STON2: variants seen among roughly 807,000 people sequenced by gnomAD.
The protein encoded by STON2 is stonin-2.
Under a neutral mutation model 65.7 loss-of-function variants are expected in STON2, and 29 were observed. That is an observed-to-expected ratio of 0.44 (90% CI 0.33 to 0.60). The LOEUF is 0.60. STON2 is among the 20% of genes least tolerant of loss of function. The pLI is 0.03. For synonymous variants in STON2, 404 were observed against 414.2 expected (o/e 0.98, Z 0.30); for missense variants, 1,054 against 1,118.1 (o/e 0.94, Z 0.82).
intron 4 of STON2, chr14:81,332,882 A>G: frequency 5.0e-6 from 1 of 201,752 alleles, no homozygotes; most frequent in Non-Finnish European, 1.0e-5. Context: ...AAAAATCCAC[A>G]ATGGCCACAG....
At chr14:81,405,396 C>T (rs754916561) in intron 2 of STON2, among the ~76,000 whole-genome samples, 10 of 149,292 alleles carry the variant, frequency 6.7e-5, no homozygotes, top group Admixed American at 2.7e-4. Flanking sequence ...ATATTTATAA[C>T]GGCTGCTTTA....
At chr14:81,339,047 C>T (rs887383368) in intron 4 of STON2, among the ~76,000 whole-genome samples, 4 of 151,372 alleles carry the variant, frequency 2.6e-5, no homozygotes, top group Non-Finnish European at 5.9e-5. Flanking sequence ...AGAGGACATT[C>T]GATAGAGGGA....
In STON2 at chr14:81,265,630, A is replaced by C; in HGVS notation, c.*2784T>G. The stretch of plus-strand genomic sequence containing the variant: ...ATTGCACTCCAGCCTGGGCGACAAG[A>C]GCGAAACTTTGTCTCAGTAATAATA... On this transcript the variant is annotated 3_prime_UTR_variant, in exon 8 of 8. Transcript: ENST00000614646. 2.9e-6 allele frequency: 1 copy of C among 344,572 alleles called. No homozygotes were observed. The highest frequency in any genetic ancestry group is 4.0e-6 in the Non-Finnish European group (1 of 253,012). 21.3% of individuals were successfully genotyped at this position (344,572 alleles called of 1,614,324 possible).
chr14:81,293,358 G>C (rs537994342), intron 5 of STON2, among the ~76,000 whole-genome samples: 2 of 152,170 alleles, frequency 1.3e-5, no homozygotes, highest in South Asian at 4.2e-4. Context: ...ATTTTCAGTA[G>C]AGATGGGGTT....
chr14:81,333,064 T>C, intron 4 of STON2: 1 of 714,418 alleles, frequency 1.4e-6, no homozygotes, highest in Non-Finnish European at 2.4e-6. Context: ...CTTTTTCTTC[T>C]CATACAGACC....
intron 2 of STON2, among the ~76,000 whole-genome samples, chr14:81,426,496 T>C (rs1901981821): frequency 6.6e-6 from 1 of 152,150 alleles, no homozygotes; most frequent in Admixed American, 6.5e-5. Context: ...CTTCCAGCCT[T>C]GACTTCTCAC....
chr14:81,393,405 GAGC>G (rs112592030), intron 3 of STON2, among the ~76,000 whole-genome samples: 10 of 151,852 alleles, frequency 6.6e-5, no homozygotes, highest in East Asian at 1.9e-4. Flanking sequence ...GAGGATACTA[GAGC>G]AGCAGCAGCA....
intron 5 of STON2, among the ~76,000 whole-genome samples, chr14:81,314,597 C>A (rs1168175709): frequency 1.3e-5 from 2 of 152,150 alleles, no homozygotes; most frequent in Non-Finnish European, 2.9e-5. Flanking sequence ...ACAGTTAAGG[C>A]CTATTGATTC....
chr14:81,270,921 G>C, intron 6 of STON2, 49 bp from the exon 7 acceptor site: 1 of 1,586,216 alleles, frequency 6.3e-7, no homozygotes, highest in South Asian at 1.1e-5. Context: ...GGAGAAAGTG[G>C]AAGGAGCAGC....
chr14:81,356,172 G>A (rs1186173451), intron 4 of STON2, among the ~76,000 whole-genome samples: 1 of 152,136 alleles, frequency 6.6e-6, no homozygotes, highest in East Asian at 1.9e-4. Context: ...ATTATTTTGA[G>A]ATACGTCCTA....
At chr14:81,342,990 C>T (rs1455351047) in intron 4 of STON2, among the ~76,000 whole-genome samples, 2 of 152,312 alleles carry the variant, frequency 1.3e-5, no homozygotes, top group East Asian at 3.9e-4. Flanking sequence ...GCAGGAGAGC[C>T]ATCCTGTTAT....
At chr14:81,428,559 C>G (rs1902093000) in intron 1 of STON2, among the ~76,000 whole-genome samples, 1 of 151,888 alleles carries the variant, frequency 6.6e-6, no homozygotes, top group African/African-American at 2.4e-5. Context: ...CCCGTCTCTA[C>G]TGAAAACACA....
chr14:81,287,377 A>T (rs979697483), intron 5 of STON2, among the ~76,000 whole-genome samples: 1 of 152,244 alleles, frequency 6.6e-6, no homozygotes, highest in African/African-American at 2.4e-5. Flanking sequence ...TGGTAAATAA[A>T]GTACCTGGTC....
intron 3 of STON2, among the ~76,000 whole-genome samples, chr14:81,386,083 G>A (rs371460332): frequency 6.6e-6 from 1 of 152,168 alleles, no homozygotes; most frequent in African/African-American, 2.4e-5. Flanking sequence ...ACGGAGCCCA[G>A]GGGAGAGGAT....
chr14:81,366,307 G>A (rs910537153), intron 4 of STON2, among the ~76,000 whole-genome samples: 8 of 152,148 alleles, frequency 5.3e-5, no homozygotes, highest in African/African-American at 1.7e-4. Context: ...GAACTCTGCC[G>A]CAGATGACAG....
chr14:81,277,098 C>A lies in STON2; in HGVS notation c.2384G>T (p.Trp795Leu). 6.2e-7 allele frequency: 1 copy of A among 1,614,210 alleles called. No homozygotes were observed. Among genetic ancestry groups the A allele is most frequent in the Non-Finnish European group, 8.5e-7 (1 of 1,180,040 alleles). The change falls in exon 6 of 8, where the codon TGG becomes TTG. Residue 795 changes from tryptophan (W) to leucine (L), a missense_variant. Coordinates refer to ENST00000614646, the MANE Select transcript of STON2 (RefSeq NM_001394390.1). Reference protein sequence around the residue: ...VMIRYPVPSEWVKNFRRESVL... With the variant: ...VMIRYPVPSELVKNFRRESVL... ...ACTTTCCCTGCGGAAGTTTTTCACC[C>A]ACTCACTGGGCACAGGGTAACGGAT...
At chr14:81,354,024 G>C (rs1251487043) in intron 4 of STON2, among the ~76,000 whole-genome samples, 1 of 152,226 alleles carries the variant, frequency 6.6e-6, no homozygotes, top group African/African-American at 2.4e-5. Flanking sequence ...GAGAAAAGCA[G>C]AGGAAAACAA....
In STON2 at chr14:81,371,045, G is replaced by C. The variant is rs1898963843; in HGVS notation, c.514C>G (p.Gln172Glu). 1 of 1,613,668 alleles carries C rather than the reference G, an allele frequency of 6.2e-7. No individual in the cohort carries two copies. Among genetic ancestry groups the C allele is most frequent in the South Asian group, 1.1e-5 (1 of 91,070 alleles). Residue 172 changes from glutamine to glutamate, a missense_variant, in exon 4 of 8, where the codon CAG (glutamine) becomes GAG (glutamate). Gln to Glu is a conservative substitution (Grantham distance 29). Transcript: ENST00000614646. The stretch of plus-strand genomic sequence containing the variant: ...GTCTGCTCCTCAGCATTGATGAGCT[G>C]CAGATCTGTATACGAACATCCAAAG... ...PSFGCSYTDL[Q>E]LINAEEQTSG...
intron 2 of STON2, among the ~76,000 whole-genome samples, chr14:81,411,519 C>CA (rs1901158500): frequency 6.6e-6 from 1 of 152,172 alleles, no homozygotes; most frequent in Non-Finnish European, 1.5e-5. Flanking sequence ...CCAGCCTGAC[C>CA]AACATGGTGA....
Sources: gnomAD v4.1 joint callset for allele counts (sites outside exome capture counted in the v4.1 genomes callset) on GRCh38, gnomAD v4.1.1 for gene constraint, MANE v1.5 for transcripts, NCBI Gene and HGNC (gene_info 2026-07-23, HGNC 2026-07-21) for gene names.